Variants in NHSL2 observed in about 807,000 individuals in gnomAD.
The protein encoded by NHSL2 is NHS like 2, also known as NHS-like protein 2.
In NHSL2, 27 loss-of-function variants were observed where a neutral mutation model predicts 53.4. The ratio of observed to expected loss-of-function variants is 0.51; its 90% CI spans 0.37 to 0.70. The LOEUF is 0.70. Among genes scored for constraint, NHSL2 ranks in the 30% least tolerant of loss-of-function variants. NHSL2 has a pLI of 0.00. For synonymous variants in NHSL2, 408 were observed against 404.1 expected, an observed-to-expected ratio of 1.01 and a Z score of -0.12; for missense variants, 892 against 980.1, an observed-to-expected ratio of 0.91 and a Z score of 1.20.
chrX:72,043,190 A>G (rs1283679233), intron 1 of NHSL2, among the ~76,000 whole-genome samples: 1 of 111,259 alleles, frequency 9.0e-6, no homozygotes, highest in East Asian at 2.8e-4. Flanking sequence ...CAGCCAACTT[A>G]CTAGCACTTC....
intron 1 of NHSL2, among the ~76,000 whole-genome samples, chrX:71,943,319 A>G (rs913652042): frequency 1.8e-5 from 2 of 112,151 alleles, no homozygotes; most frequent in Middle Eastern, 4.6e-3. Flanking sequence ...GCCTCAGTCT[A>G]TACTTCACCA....
In NHSL2 at chrX:72,130,996, G is replaced by A. The variant is rs374958733; in HGVS notation, c.281-1083G>A. 5.5e-5 allele frequency: 66 copies of A among 1,209,373 alleles called. No homozygotes were observed. The East Asian group carries it at 1.1e-3, about 20-fold the overall frequency. Reference sequence around the variant, plus strand: ...AAAGGCCACCCGCTCGGCGCCCCCGGGGAAATGAACCTCATGGTCGGCTAT... The same window carrying A: ...AAAGGCCACCCGCTCGGCGCCCCCGAGGAAATGAACCTCATGGTCGGCTAT... On this transcript the variant is annotated intron_variant, in intron 1 of 7. Coordinates refer to ENST00000633930, the MANE Select transcript of NHSL2 (RefSeq NM_001013627.3).
At chrX:72,010,568 G>A (rs916166482) in intron 1 of NHSL2, among the ~76,000 whole-genome samples, 1 of 112,097 alleles carries the variant, frequency 8.9e-6, no homozygotes, top group Non-Finnish European at 1.9e-5. Context: ...ACACAGTTTG[G>A]TTTTATGTGG....
Position 72,132,271 on chromosome X carries a change from A to G in NHSL2, c.436+37A>G, listed in dbSNP as rs186930005. 1.2e-3 allele frequency: 1,340 copies of G among 1,110,064 alleles called. 6 individuals carry two copies. In the African/African-American group the frequency reaches 0.022, roughly 18 times the overall value. The allele number at this position is 1,110,064 out of a possible 1,213,427, so 91.5% of individuals were successfully genotyped here. A position where few individuals can be genotyped will look rare whatever the true frequency, so the allele number is the denominator to read the frequency against. ...GAGGGGGGCTGCGGCCGGAGCCCAG[A>G]AGCGAGATGCGCAGCGGCAGGAGGG... On this transcript the variant is annotated intron_variant, in intron 2 of 7. Transcript: ENST00000633930.
chrX:71,929,710 C>T (rs1489167335), intron 1 of NHSL2, among the ~76,000 whole-genome samples: 2 of 111,299 alleles, frequency 1.8e-5, no homozygotes, highest in Non-Finnish European at 3.8e-5. Flanking sequence ...ATTAGTGCAA[C>T]TCACTGAGTA....
chrX:72,131,332 T>C, intron 1 of NHSL2: 1 of 1,202,857 alleles, frequency 8.3e-7, no homozygotes, highest in Non-Finnish European at 1.1e-6. Context: ...GAGCGCGAAC[T>C]CCAAGTTCTC....
chrX:71,944,100 C>T (rs755707699), intron 1 of NHSL2, among the ~76,000 whole-genome samples: 3 of 112,368 alleles, frequency 2.7e-5, no homozygotes, highest in Non-Finnish European at 5.6e-5. Context: ...AGAGAAAAGA[C>T]CCAAGTTCAA....
chrX:72,131,434 A>G, intron 1 of NHSL2: 1 of 1,210,751 alleles, frequency 8.3e-7, no homozygotes, highest in Non-Finnish European at 1.1e-6. Flanking sequence ...GGCTCTCCCG[A>G]GCTGGAGGCC....
chrX:72,120,483 G>A (rs1373341311), intron 1 of NHSL2, among the ~76,000 whole-genome samples: 1 of 112,245 alleles, frequency 8.9e-6, no homozygotes, highest in Admixed American at 9.4e-5. Context: ...GTGTCATACA[G>A]TTGTTCATAG....
intron 1 of NHSL2, among the ~76,000 whole-genome samples, chrX:72,090,306 C>T (rs1392377289): frequency 9.0e-6 from 1 of 111,461 alleles, no homozygotes; most frequent in Non-Finnish European, 1.9e-5. Context: ...CTCAAGCGAT[C>T]CTCCTGCCTC....
chrX:72,016,122 T>C (rs2042134911), intron 1 of NHSL2, among the ~76,000 whole-genome samples: 4 of 112,398 alleles, frequency 3.6e-5, no homozygotes, highest in Admixed American at 1.9e-4. Flanking sequence ...TTCTTTTTTA[T>C]ATTTAGTTGT....
chrX:71,975,921 A>G (rs28515654), intron 1 of NHSL2, among the ~76,000 whole-genome samples: 7,557 of 111,608 alleles, frequency 0.068, 250 homozygotes, highest in East Asian at 0.28. Context: ...GTTGAAAACT[A>G]TTCTTTTTTT....
At chrX:71,912,268 A>T (rs1310961390) in intron 1 of NHSL2, among the ~76,000 whole-genome samples, 2 of 112,182 alleles carry the variant, frequency 1.8e-5, no homozygotes, top group African/African-American at 6.5e-5. Flanking sequence ...GTCTGTGGAA[A>T]TGCAGTGCCC....
chrX:71,987,597 G>C (rs1430920196), intron 1 of NHSL2, among the ~76,000 whole-genome samples: 1 of 112,542 alleles, frequency 8.9e-6, no homozygotes, highest in Non-Finnish European at 1.9e-5. Context: ...CTTTAAAACT[G>C]TTTTTATTTC....
rs763334481 is a variant in NHSL2 at position 71,992,799 on chromosome X, G to A, written c.280+81432G>A. 4.5e-5 allele frequency among the ~76,000 whole-genome samples: 5 copies of A among 112,209 alleles called. No individual in the cohort carries two copies. The Admixed American group carries it at 4.7e-4, about 11-fold the overall frequency. ...CTGTAAGACAGCACAGTCGCTGAAG[G>A]GCATTAGAGCTGGGCTGGGTTGGGC... On this transcript the variant is annotated intron_variant, in intron 1 of 7. Transcript: ENST00000633930.
At chrX:72,094,341 C>T (rs1407165769) in intron 1 of NHSL2, among the ~76,000 whole-genome samples, 1 of 111,470 alleles carries the variant, frequency 9.0e-6, no homozygotes, top group Non-Finnish European at 1.9e-5. Context: ...GAACATACAA[C>T]CCATACTGTA....
intron 1 of NHSL2, among the ~76,000 whole-genome samples, chrX:72,013,020 G>C (rs2042122143): frequency 8.9e-6 from 1 of 112,139 alleles, no homozygotes; most frequent in Non-Finnish European, 1.9e-5. Flanking sequence ...GGCTATTCTA[G>C]TTTCTTTGCC....
intron 1 of NHSL2, among the ~76,000 whole-genome samples, chrX:71,974,593 A>AG (rs1481163614): frequency 8.9e-6 from 1 of 112,116 alleles, no homozygotes; most frequent in Admixed American, 9.5e-5. Context: ...TTTTTTATAG[A>AG]GAAAAACTAT....
intron 1 of NHSL2, among the ~76,000 whole-genome samples, chrX:71,967,429 A>G (rs191154119): frequency 6.7e-4 from 75 of 111,748 alleles, no homozygotes; most frequent in Admixed American, 1.9e-3. Context: ...TGTACATGCT[A>G]TAAATTTCCT....
Sources: allele counts gnomAD v4.1 joint callset (sites outside exome capture counted in the v4.1 genomes callset), GRCh38; gene constraint gnomAD v4.1.1; transcripts MANE v1.5; gene names NCBI Gene and HGNC (gene_info 2026-07-23, HGNC 2026-07-21).